Variants in TENM3 observed in about 807,000 individuals in gnomAD.
TENM3 encodes teneurin-3.
Under a neutral mutation model 255.1 loss-of-function variants are expected in TENM3, and 63 were observed. That is an observed-to-expected ratio of 0.25 (90% CI 0.20 to 0.30). The LOEUF is 0.30. Among genes scored for constraint, TENM3 ranks in the 10% least tolerant of loss-of-function variants. TENM3 has a pLI of 1.00. For synonymous variants in TENM3, 1,306 were observed against 1,322.3 expected, an observed-to-expected ratio of 0.99 and a Z score of 0.27; for missense variants, 2,929 against 3,461.1, an observed-to-expected ratio of 0.85 and a Z score of 3.86.
intron 3 of TENM3, among the ~76,000 whole-genome samples, chr4:182,482,594 T>G (rs1009734151): frequency 1.1e-4 from 16 of 152,140 alleles, no homozygotes; most frequent in African/African-American, 2.9e-4. Context: ...ATGAGAAAAT[T>G]TCTTTCTTAA....
chr4:182,452,675 TG>T (rs1773563406), intron 3 of TENM3, among the ~76,000 whole-genome samples: 1 of 152,244 alleles, frequency 6.6e-6, no homozygotes, highest in Non-Finnish European at 1.5e-5. Context: ...TATAATCACG[TG>T]AAGTGATTCA....
At chr4:182,066,703 G>T in the TENM3 span, among the ~76,000 whole-genome samples, 7 of 151,568 alleles carry the variant, frequency 4.6e-5, no homozygotes, top group Non-Finnish European at 8.8e-5. Flanking sequence ...AAGGTCAGGA[G>T]ATCGAGACCG....
At chr4:181,953,906 C>G in the TENM3 span, among the ~76,000 whole-genome samples, 4 of 152,040 alleles carry the variant, frequency 2.6e-5, no homozygotes, top group African/African-American at 7.2e-5. Flanking sequence ...TTTCCATCAC[C>G]CTGAACGTTT....
In TENM3 at chr4:182,346,866, C is replaced by A; in HGVS notation, c.448C>A (p.Arg150=). ...AGGCCGCAGCTCCTGCCTGTCAAGT[C>A]GGTCCAACTCAGCCCTCACCCTGAC... is the stretch of plus-strand genomic sequence containing the variant. The part of the protein sequence containing the change: ...KSGRSSCLSS[R]SNSALTLTDT... The change falls in exon 3 of 28, where the codon CGG becomes AGG. Residue 150 remains arginine (R), a synonymous_variant. Transcript: ENST00000511685. 1 of 1,613,372 alleles carries A rather than the reference C, an allele frequency of 6.2e-7. No homozygotes were observed. Among genetic ancestry groups the A allele is most frequent in the South Asian group, 1.1e-5 (1 of 90,956 alleles).
chr4:182,070,478 G>A, the TENM3 span, among the ~76,000 whole-genome samples: 4 of 152,064 alleles, frequency 2.6e-5, no homozygotes, highest in Non-Finnish European at 4.4e-5. Flanking sequence ...TTAGTTGGGT[G>A]TAGCGGCACA....
the TENM3 span, among the ~76,000 whole-genome samples, chr4:182,039,101 A>G: frequency 6.6e-6 from 1 of 152,216 alleles, no homozygotes; most frequent in African/African-American, 2.4e-5. Context: ...CACTGCCTCA[A>G]AAATCTTGGG....
chr4:181,724,512 A>G, the TENM3 span, among the ~76,000 whole-genome samples: 843 of 152,256 alleles, frequency 5.5e-3, 10 homozygotes, highest in African/African-American at 0.019. Flanking sequence ...TTTCTAAAGT[A>G]ACTTATTTTT....
chr4:181,993,366 C>T, the TENM3 span, among the ~76,000 whole-genome samples: 2 of 152,122 alleles, frequency 1.3e-5, no homozygotes, highest in Non-Finnish European at 2.9e-5. Flanking sequence ...ACTTAAAAAG[C>T]ATCATTCTTT....
the TENM3 span, among the ~76,000 whole-genome samples, chr4:181,782,080 T>G: frequency 6.8e-6 from 1 of 147,526 alleles, no homozygotes; most frequent in African/African-American, 2.5e-5. Context: ...CTAAAATTCT[T>G]TTTTTTTTGT....
chr4:182,188,155 C>A lies in TENM3; in HGVS notation c.-76+43401C>A, dbSNP rs182418973. On this transcript the variant is annotated intron_variant, in intron 1 of 2. Coordinates refer to the TENM3 transcript ENST00000512480. The stretch of plus-strand genomic sequence containing the variant: ...TTATATATTAGCATTATATATATTT[C>A]ATTCCGCCTCACTTTGTTATAGTAT... Among the ~76,000 whole-genome samples the A allele has an allele frequency of 1.5e-3, 233 of 152,206 alleles. 1 individual carries two copies. The highest frequency in any genetic ancestry group is 5.3e-3 in the African/African-American group (220 of 41,538).
the TENM3 span, among the ~76,000 whole-genome samples, chr4:181,599,517 G>A: frequency 2.6e-5 from 4 of 152,154 alleles, no homozygotes; most frequent in East Asian, 1.9e-4. Flanking sequence ...AAAGTAACTT[G>A]CACACATTCT....
At chr4:182,273,111 G>T (rs1351103007) in intron 1 of TENM3, among the ~76,000 whole-genome samples, 1 of 152,200 alleles carries the variant, frequency 6.6e-6, no homozygotes, top group African/African-American at 2.4e-5. Context: ...ATATCCTCTG[G>T]TGGAAACAGA....
intron 5 of TENM3, among the ~76,000 whole-genome samples, chr4:182,635,926 C>T (rs1751805227): frequency 6.6e-6 from 1 of 152,166 alleles, no homozygotes; most frequent in Non-Finnish European, 1.5e-5. Context: ...GGAAAATACG[C>T]CAGCCCTTTA....
chr4:182,778,655 A>G (rs1764891098), intron 24 of TENM3, among the ~76,000 whole-genome samples: 1 of 152,168 alleles, frequency 6.6e-6, no homozygotes, highest in African/African-American at 2.4e-5. Flanking sequence ...ATTCTTTTCA[A>G]GCATATTCCA....
the TENM3 span, among the ~76,000 whole-genome samples, chr4:181,904,261 T>A: frequency 1.2e-4 from 19 of 152,158 alleles, no homozygotes; most frequent in East Asian, 3.3e-3. Context: ...AACACCCCCC[T>A]GACTCTCTCG....
At chr4:181,979,652 G>A in the TENM3 span, among the ~76,000 whole-genome samples, 1 of 152,012 alleles carries the variant, frequency 6.6e-6, no homozygotes, top group African/African-American at 2.4e-5. Flanking sequence ...TGTTTGTCAG[G>A]CTTTTGGCCA....
intron 3 of TENM3, among the ~76,000 whole-genome samples, chr4:182,460,253 TTATC>T (rs1774231032): frequency 6.6e-6 from 1 of 152,170 alleles, no homozygotes; most frequent in Non-Finnish European, 1.5e-5. Context: ...ATTGAATTAT[TTATC>T]TATGTCTTAA....
rs116236006 is a variant in TENM3 at position 182,613,483 on chromosome 4, A to G, written c.749+12322A>G. Among the ~76,000 whole-genome samples, 496 of 152,300 alleles carry G rather than the reference A, an allele frequency of 3.3e-3. 5 individuals carry two copies. The highest frequency in any genetic ancestry group is 0.011 in the African/African-American group (470 of 41,582). On this transcript the variant is annotated intron_variant, in intron 4 of 27. Coordinates refer to ENST00000511685, the MANE Select transcript of TENM3 (RefSeq NM_001080477.4). ...CCTGTCTAAGTTAAAGTAAGTCGTAATAGAAACACTTTGCTTCATATTGTA... is the reference window on the plus strand; with the variant it reads ...CCTGTCTAAGTTAAAGTAAGTCGTAGTAGAAACACTTTGCTTCATATTGTA...
chr4:182,730,042 G>T (rs938455323), intron 14 of TENM3, among the ~76,000 whole-genome samples, 158 bp from the exon 15 acceptor site: 4 of 152,172 alleles, frequency 2.6e-5, no homozygotes, highest in Non-Finnish European at 5.9e-5. Context: ...AATTAAAAGG[G>T]ACATTGTCTT....
Sources: allele counts gnomAD v4.1 joint callset (sites outside exome capture counted in the v4.1 genomes callset), GRCh38; gene constraint gnomAD v4.1.1; transcripts MANE v1.5; gene names NCBI Gene and HGNC (gene_info 2026-07-23, HGNC 2026-07-21).